Variants in FAM186A observed in about 807,000 individuals in gnomAD.
FAM186A encodes the protein protein FAM186A.
FAM186A carries 163 observed loss-of-function variants against 216.8 expected under a neutral mutation model. That is an observed-to-expected ratio of 0.75 (90% confidence interval 0.66 to 0.86). The LOEUF (loss-of-function observed/expected upper bound fraction) is 0.86. Among genes scored for constraint, FAM186A ranks in the 40% least tolerant of loss-of-function variants. The pLI is 0.00. For missense variants in FAM186A, 2,184 were observed against 2,746.2 expected (o/e 0.80, Z 4.58); for synonymous variants, 805 against 1,025.3 (o/e 0.79, Z 4.10).
chr12:50,392,753 C>G (rs1763618401), intron 1 of FAM186A, among the ~76,000 whole-genome samples: 1 of 146,012 alleles, frequency 6.8e-6, no homozygotes, highest in African/African-American at 2.5e-5. Flanking sequence ...CGTGTGCCAC[C>G]ACACTTGGCT....
chr12:50,365,625 G>T (rs578012252), intron 1 of FAM186A: 1 of 599,394 alleles, frequency 1.7e-6, no homozygotes, highest in Admixed American at 2.6e-5. Context: ...CCCTTTTGCC[G>T]CCATCTCCAA....
chr12:50,352,220 C>T lies in FAM186A; in HGVS notation c.4612G>A (p.Glu1538Lys). The change falls in exon 4 of 8, where the codon GAA becomes AAA. Residue 1538 changes from glutamate (E) to lysine (K), a missense_variant. This residue lies in a region of FAM186A where 19 missense variants were observed against 22.4 expected (regional missense o/e 0.85). Coordinates refer to ENST00000327337, the MANE Select transcript of FAM186A (RefSeq NM_001145475.3). ...GIPLIPPQAQ[E>K]LGIPLTPQQV... ...TGAGGGGTGAGAGGGATCCCCAATT[C>T]CTGAGCCTGCGGAGGGATCAGAGGG... 1 of 1,515,250 alleles carries T rather than the reference C, an allele frequency of 6.6e-7. No individual in the cohort carries two copies. The highest frequency in any genetic ancestry group is 8.8e-7 in the Non-Finnish European group (1 of 1,132,960). The allele number at this position is 1,515,250 out of a possible 1,614,324, so 93.9% of individuals were successfully genotyped here.
chr12:50,363,141 T>A lies in FAM186A; in HGVS notation c.412+4A>T. 3 of 1,541,342 alleles carry A rather than the reference T, an allele frequency of 1.9e-6. No individual in the cohort carries two copies. Among genetic ancestry groups the A allele is most frequent in the Non-Finnish European group, 2.6e-6 (3 of 1,142,036 alleles). ...TTTCCTCTGAACCGCTTCTGTAAACTTACTCCATTCTTCCAACCAGGCCAG... is the reference window on the plus strand; with the variant it reads ...TTTCCTCTGAACCGCTTCTGTAAACATACTCCATTCTTCCAACCAGGCCAG... On this transcript the variant is annotated splice_donor_region_variant and intron_variant, in intron 2 of 7. Transcript: ENST00000327337.
Position 50,365,014 on chromosome 12 carries a change from G to A in FAM186A, c.193-1650C>T, listed in dbSNP as rs1400838417. ...GATCGCACCATTGCACTCCAGCCTG[G>A]GCAACAAGAGTGAAACTCCGTCTCA... On this transcript the variant is annotated intron_variant, in intron 1 of 7. Transcript: ENST00000327337. Among the ~76,000 whole-genome samples, 29 of 117,520 alleles carry A rather than the reference G, an allele frequency of 2.5e-4. 3 individuals carry two copies. The Admixed American group carries it at 3.0e-3, about 12-fold the overall frequency. The allele number at this position is 117,520 out of a possible 152,430, so 77.1% of individuals were successfully genotyped here.
chr12:50,340,801 T>C (rs1942755602), intron 4 of FAM186A, among the ~76,000 whole-genome samples: 1 of 288 alleles, frequency 3.5e-3, no homozygotes, highest in Non-Finnish European at 0.023. Flanking sequence ...CTTTTCTAAT[T>C]TTTTTTTTTT....
chr12:50,365,750 T>C, intron 1 of FAM186A: 1 of 754,296 alleles, frequency 1.3e-6, no homozygotes, highest in African/African-American at 1.7e-5. Context: ...TGTCTTCCCC[T>C]CTTTCCGAAG....
intron 1 of FAM186A, among the ~76,000 whole-genome samples, chr12:50,380,562 G>A (rs547299636): frequency 4.8e-4 from 72 of 150,850 alleles, no homozygotes; most frequent in Non-Finnish European, 8.6e-4. Context: ...TGGGCATGCT[G>A]GTGCATGCCT....
chr12:50,395,333 C>A (rs1943403037), intron 1 of FAM186A, among the ~76,000 whole-genome samples: 1 of 152,158 alleles, frequency 6.6e-6, no homozygotes, highest in South Asian at 2.1e-4. Context: ...AAGAGATCCT[C>A]CTGCCTTGGC....
chr12:50,330,213 G>A (rs1942643113), intron 7 of FAM186A, among the ~76,000 whole-genome samples: 1 of 152,144 alleles, frequency 6.6e-6, no homozygotes, highest in South Asian at 2.1e-4. Flanking sequence ...TCATGTCACT[G>A]AATCATAATA....
At chr12:50,342,228 C>T (rs1304624049) in intron 4 of FAM186A, among the ~76,000 whole-genome samples, 6 of 151,350 alleles carry the variant, frequency 4.0e-5, no homozygotes, top group Admixed American at 3.3e-4. Flanking sequence ...ATTGCTTGAA[C>T]CTGGGAGGCA....
In FAM186A at chr12:50,351,020, G is replaced by C. The variant is rs1180677287; in HGVS notation, c.5812C>G (p.Pro1938Ala). The C allele has an allele frequency of 6.4e-7, 1 of 1,551,248 alleles. No homozygotes were observed. The highest frequency in any genetic ancestry group is 1.2e-5 in the South Asian group (1 of 83,988). The change falls in exon 4 of 8, where the codon CCA becomes GCA. Residue 1938 changes from proline to alanine, a missense_variant. Transcript: ENST00000327337. ...CTTTTCTGGGGCTTTCCAGGGGCTG[G>C]GGACGGCCATAGTGTGGGAGGATGT... ...SRHPPTLWPS[P>A]APGKPQKSWS...
intron 1 of FAM186A, among the ~76,000 whole-genome samples, chr12:50,369,789 G>A (rs904548093): frequency 6.6e-6 from 1 of 152,004 alleles, no homozygotes; most frequent in African/African-American, 2.4e-5. Flanking sequence ...AGGAGTTTGA[G>A]ACCAGCCTGG....
rs1167515309 is a variant in FAM186A, at chr12:50,383,249, T to TAAAAAAAAA, written c.192+13035_192+13043dup. Among the ~76,000 whole-genome samples the TAAAAAAAAA allele has an allele frequency of 1.5e-3, 16 of 10,362 alleles. 1 individual carries two copies. Among genetic ancestry groups the TAAAAAAAAA allele is most frequent in the African/African-American group, 2.1e-3 (15 of 7,184 alleles). The allele number at this position is 10,362 out of a possible 152,430, so 6.8% of individuals were successfully genotyped here. On this transcript the variant is annotated intron_variant, in intron 1 of 7. Coordinates refer to ENST00000327337, the MANE Select transcript of FAM186A (RefSeq NM_001145475.3). ...CTGGGTGACAGAGCAAGACTCCGTC[T>TAAAAAAAAA]AAAAAAAAAAAAAAAAAAAAAAAAA...
At chr12:50,383,117 C>A (rs1943267945) in intron 1 of FAM186A, among the ~76,000 whole-genome samples, 2 of 151,144 alleles carry the variant, frequency 1.3e-5, no homozygotes. Flanking sequence ...CAGTGTGGTG[C>A]CATATGCCTG....
At chr12:50,346,707 C>T (rs1243909244) in intron 4 of FAM186A, among the ~76,000 whole-genome samples, 5 of 151,876 alleles carry the variant, frequency 3.3e-5, no homozygotes, top group African/African-American at 7.3e-5. Flanking sequence ...ATTAGCCAGG[C>T]GTGGTGGTGG....
chr12:50,359,398 C>CA (rs1032485004), intron 3 of FAM186A, among the ~76,000 whole-genome samples: 20 of 149,742 alleles, frequency 1.3e-4, no homozygotes, highest in Admixed American at 8.7e-4. Flanking sequence ...AACTCCGTCT[C>CA]AAAAAAAAAG....
In FAM186A at chr12:50,388,834, CTTGAGATCAGGAGT is replaced by C. The variant is rs1359658759; in HGVS notation, c.192+7445_192+7458del. On this transcript the variant is annotated intron_variant, in intron 1 of 7. Transcript: ENST00000327337. ...TTGGGAGGTCGAAGCGAGCAGATCA[CTTGAGATCAGGAGT>C]TTGAGACCAGCCTGGCCAACATGGA... Among the ~76,000 whole-genome samples the C allele has an allele frequency of 3.3e-5, 5 of 152,130 alleles. No homozygotes were observed. In the East Asian group the frequency reaches 7.7e-4, roughly 24 times the overall value.
chr12:50,392,047 A>C (rs2136108887), intron 1 of FAM186A, among the ~76,000 whole-genome samples: 1 of 152,214 alleles, frequency 6.6e-6, no homozygotes, highest in Non-Finnish European at 1.5e-5. Context: ...CGTGAGGCAG[A>C]AGAAAGTAGA....
chr12:50,332,290 C>T lies in FAM186A; in HGVS notation c.6697-469G>A, dbSNP rs188732955. On this transcript the variant is annotated intron_variant, in intron 5 of 7. Transcript: ENST00000327337. ...TAGCTGATTTGGTATTTATAACAAC[C>T]TTATGCGGTATGTCTTATAATTACC... Among the ~76,000 whole-genome samples, 20 of 152,244 alleles carry T rather than the reference C, an allele frequency of 1.3e-4. No individual in the cohort carries two copies. In the East Asian group the frequency reaches 3.9e-3, roughly 29 times the overall value.
Sources: allele counts gnomAD v4.1 joint callset (sites outside exome capture counted in the v4.1 genomes callset), GRCh38; gene constraint gnomAD v4.1.1; regional missense constraint gnomAD v4.1.1; transcripts MANE v1.5; gene names NCBI Gene and HGNC (gene_info 2026-07-23, HGNC 2026-07-21).